Variants in TUSC3 observed in about 807,000 individuals in gnomAD.
TUSC3 encodes the protein dolichyl-diphosphooligosaccharide--protein glycosyltransferase subunit TUSC3.
Under a neutral mutation model 44.8 loss-of-function variants are expected in TUSC3, and 45 were observed. The observed-to-expected ratio is 1.00, with a 90% CI of 0.79 to 1.29. The LOEUF is 1.29. TUSC3 is among the 50% of genes most tolerant of loss of function. The probability of loss-of-function intolerance (pLI) is 0.00; values close to 1 mark genes in which losing one functional copy is unlikely to be tolerated. For synonymous variants in TUSC3, 212 were observed against 152.9 expected (o/e 1.39, Z -2.85); for missense variants, 519 against 437.9 (o/e 1.19, Z -1.65).
intron 1 of TUSC3, among the ~76,000 whole-genome samples, chr8:15,475,172 C>G (rs1250780503): frequency 6.6e-6 from 1 of 152,086 alleles, no homozygotes; most frequent in African/African-American, 2.4e-5. Flanking sequence ...CTTAAACTAT[C>G]CTATTTAGTC....
intron 7 of TUSC3, among the ~76,000 whole-genome samples, chr8:15,737,914 C>T (rs910886121): frequency 1.6e-4 from 25 of 152,084 alleles, no homozygotes; most frequent in African/African-American, 6.0e-4. Flanking sequence ...AAGTATTATT[C>T]AGTCTCTTTT....
At chr8:15,762,038 G>C (rs992878366) in intron 10 of TUSC3, among the ~76,000 whole-genome samples, 1 of 151,704 alleles carries the variant, frequency 6.6e-6, no homozygotes, top group Non-Finnish European at 1.5e-5. Flanking sequence ...ACATACTTTG[G>C]AAATTTAATA....
intron 2 of TUSC3, among the ~76,000 whole-genome samples, chr8:15,503,063 T>C (rs1800990644): frequency 6.6e-6 from 1 of 152,186 alleles, no homozygotes; most frequent in Non-Finnish European, 1.5e-5. Context: ...TATGTCCACT[T>C]TCCCGCCATT....
chr8:15,674,815 G>C (rs1173069868), intron 6 of TUSC3, among the ~76,000 whole-genome samples: 1 of 151,990 alleles, frequency 6.6e-6, no homozygotes, highest in East Asian at 1.9e-4. Context: ...ATTTAGAAGA[G>C]TAATTTCAGA....
chr8:15,755,969 A>G (rs896961788), intron 9 of TUSC3, among the ~76,000 whole-genome samples: 2 of 152,170 alleles, frequency 1.3e-5, no homozygotes, highest in African/African-American at 2.4e-5. Flanking sequence ...CTGTAGTAAC[A>G]TCTAAGATAC....
chr8:15,576,125 A>G (rs1034127391), intron 1 of TUSC3, among the ~76,000 whole-genome samples: 2 of 151,724 alleles, frequency 1.3e-5, no homozygotes, highest in East Asian at 1.9e-4. Flanking sequence ...TGTTAAAGCA[A>G]TGAATCAGAG....
upstream of TUSC3, among the ~76,000 whole-genome samples, chr8:15,537,140 C>G (rs908190459): frequency 1.2e-4 from 6 of 49,844 alleles, no homozygotes; most frequent in African/African-American, 2.7e-4. Flanking sequence ...ACAACCTGCT[C>G]TCTCTCTCTC....
chr8:15,836,227 G>C, the TUSC3 span, among the ~76,000 whole-genome samples: 2 of 151,746 alleles, frequency 1.3e-5, no homozygotes, highest in African/African-American at 4.8e-5. Context: ...TGTAATCCCA[G>C]CACTTTGGGA....
intron 1 of TUSC3, among the ~76,000 whole-genome samples, chr8:15,585,369 C>A (rs896735309): frequency 6.6e-6 from 1 of 152,294 alleles, no homozygotes; most frequent in East Asian, 1.9e-4. Flanking sequence ...TGAGGTATCA[C>A]CTGGAGTTCT....
At chr8:15,822,074 C>T in the TUSC3 span, among the ~76,000 whole-genome samples, 2 of 151,992 alleles carry the variant, frequency 1.3e-5, no homozygotes, top group African/African-American at 4.8e-5. Flanking sequence ...TCTGGTGAAT[C>T]AGATACTGAG....
chr8:15,653,412 G>C (rs1195710928), intron 3 of TUSC3, among the ~76,000 whole-genome samples: 1 of 152,022 alleles, frequency 6.6e-6, no homozygotes, highest in South Asian at 2.1e-4. Flanking sequence ...TCTTTGTGTT[G>C]AGTACTGAAT....
the TUSC3 span, among the ~76,000 whole-genome samples, chr8:15,819,528 G>C: frequency 1.3e-5 from 2 of 152,208 alleles, no homozygotes; most frequent in African/African-American, 4.8e-5. Flanking sequence ...ATGTCTACTA[G>C]ACTGTCCCCC....
intron 5 of TUSC3, among the ~76,000 whole-genome samples, chr8:15,671,741 C>T (rs1024576624): frequency 6.6e-6 from 1 of 152,042 alleles, no homozygotes; most frequent in Non-Finnish European, 1.5e-5. Context: ...TGACAGTTTT[C>T]TGTCTCATGT....
At chr8:15,509,662 G>C (rs1801106465) in intron 2 of TUSC3, among the ~76,000 whole-genome samples, 1 of 151,896 alleles carries the variant, frequency 6.6e-6, no homozygotes, top group African/African-American at 2.4e-5. Flanking sequence ...GTATTAGCGT[G>C]ACAAATTTGT....
intron 6 of TUSC3, among the ~76,000 whole-genome samples, chr8:15,706,628 C>G (rs963357797): frequency 6.6e-6 from 1 of 152,084 alleles, no homozygotes; most frequent in Admixed American, 6.6e-5. Context: ...TTTCGTGTAG[C>G]TCATACTGAA....
intron 1 of TUSC3, among the ~76,000 whole-genome samples, chr8:15,617,668 G>T (rs140343612): frequency 0.013 from 1,931 of 152,264 alleles, 12 homozygotes; most frequent in Non-Finnish European, 0.02. Flanking sequence ...TATGTTATTT[G>T]TGTACAGCTT....
chr8:15,797,733 C>T, the TUSC3 span, among the ~76,000 whole-genome samples: 1 of 152,166 alleles, frequency 6.6e-6, no homozygotes, highest in Non-Finnish European at 1.5e-5. Flanking sequence ...TTCTAGATGC[C>T]TTGGTGCTGG....
intron 1 of TUSC3, among the ~76,000 whole-genome samples, chr8:15,586,809 A>G (rs549125324): frequency 6.6e-6 from 1 of 152,318 alleles, no homozygotes; most frequent in African/African-American, 2.4e-5. Flanking sequence ...TAACAGCATT[A>G]GTTTAATCCA....
intron 1 of TUSC3, among the ~76,000 whole-genome samples, chr8:15,476,474 T>C (rs1800576582): frequency 6.6e-6 from 1 of 152,088 alleles, no homozygotes; most frequent in African/African-American, 2.4e-5. Flanking sequence ...AATTCTCAGA[T>C]ATTAAGGTTT....
Sources: allele counts gnomAD v4.1 joint callset (sites outside exome capture counted in the v4.1 genomes callset), GRCh38; gene constraint gnomAD v4.1.1; transcripts MANE v1.5; gene names NCBI Gene and HGNC (gene_info 2026-07-23, HGNC 2026-07-21).